The following CCZ1 variants were observed in gnomAD, a reference collection of about 807,000 sequenced individuals.
CCZ1 encodes CCZ1 vacuolar protein trafficking and biogenesis associated, also known as vacuolar fusion protein CCZ1 homolog.
CCZ1 carries 19 observed loss-of-function variants against 57.8 expected under a neutral mutation model. That is an observed-to-expected ratio of 0.33 (90% CI 0.23 to 0.48). CCZ1 has a LOEUF of 0.48. Ranked by LOEUF, CCZ1 falls within the 20% of genes least tolerant of loss-of-function variation. The pLI is 0.99. For missense variants in CCZ1, 200 were observed against 492.0 expected, an observed-to-expected ratio of 0.41 and a Z score of 5.61; for synonymous variants, 81 against 167.0, an observed-to-expected ratio of 0.49 and a Z score of 3.97.
chr7:5,913,435 A>C (rs1285509226), intron 10 of CCZ1, among the ~76,000 whole-genome samples: 1 of 151,162 alleles, frequency 6.6e-6, no homozygotes, highest in Admixed American at 6.6e-5. Context: ...TCAAGAAAGA[A>C]GACGGAGCAT....
chr7:5,914,673 G>A (rs1454256511), intron 10 of CCZ1, among the ~76,000 whole-genome samples: 3 of 148,880 alleles, frequency 2.0e-5, no homozygotes, highest in East Asian at 2.2e-4. Flanking sequence ...TCTGGAGTTC[G>A]AGACCAGCCT....
chr7:5,915,831 GT>G (rs936542749), intron 10 of CCZ1, among the ~76,000 whole-genome samples: 1 of 119,052 alleles, frequency 8.4e-6, no homozygotes, highest in Non-Finnish European at 1.8e-5. Flanking sequence ...CACTTGCTGT[GT>G]TTTTTCCTGT....
intron 8 of CCZ1, among the ~76,000 whole-genome samples, chr7:5,910,706 T>TTTTATTTTA (rs750179208): frequency 0.036 from 4,454 of 123,200 alleles, 159 homozygotes; most frequent in African/African-American, 0.071. Context: ...ATGTATTTTA[T>TTTTATTTTA]TTTATTTATT....
At chr7:5,903,374 C>T (rs553550301) in intron 6 of CCZ1, among the ~76,000 whole-genome samples, 2 of 145,332 alleles carry the variant, frequency 1.4e-5, no homozygotes, top group Non-Finnish European at 3.0e-5. Context: ...CCTCCTTGGC[C>T]TCCCAAAGTG....
chr7:5,900,690 T>C, intron 3 of CCZ1, 124 bp downstream of exon 3: 7 of 1,321,788 alleles, frequency 5.3e-6, no homozygotes, highest in Non-Finnish European at 6.1e-6. Flanking sequence ...TAAAATTGGT[T>C]GCAATTTTAA....
At chr7:5,909,017 C>T (rs1175572166) in intron 7 of CCZ1, among the ~76,000 whole-genome samples, 1 of 146,286 alleles carries the variant, frequency 6.8e-6, no homozygotes, top group Non-Finnish European at 1.5e-5. Context: ...AGCTAAGAGA[C>T]ATCTGCTCCT....
At chr7:5,912,066 T>A in intron 9 of CCZ1, 144 bp downstream of exon 9, 1 of 1,544,066 alleles carries the variant, frequency 6.5e-7, no homozygotes, top group Non-Finnish European at 8.8e-7. Flanking sequence ...GTGACTGTCA[T>A]GCCTCAGCCT....
intron 6 of CCZ1, 86 bp downstream of exon 6, chr7:5,902,830 A>G (rs142822906): frequency 2.1e-6 from 3 of 1,458,136 alleles, no homozygotes; most frequent in Middle Eastern, 2.0e-4. Flanking sequence ...TGTTTCTTAT[A>G]TACAAAAAAC....
At chr7:5,902,428 G>C in intron 5 of CCZ1, 1 of 625,094 alleles carries the variant, frequency 1.6e-6, no homozygotes, top group Non-Finnish European at 2.2e-6. Flanking sequence ...TGAAATTTTT[G>C]AAAGATGCCT....
rs1061428 is a variant in CCZ1 at position 5,925,657 on chromosome 7, G to A, written c.1419G>A (p.Thr473=). 0.15 allele frequency: 231,719 copies of A among 1,556,336 alleles called. 4,305 individuals are homozygous for A. Among genetic ancestry groups the A allele is most frequent in the Admixed American group, 0.29 (16,037 of 55,694 alleles). Residue 473 remains threonine, a synonymous_variant, in exon 15 of 15, where the codon ACG becomes ACA. Transcript: ENST00000325974. ...VNEEVKKLCA[T]QFNNIFFLD ...AAGAGGTCAAGAAACTTTGTGCAACGCAGTTCAACAACATCTTCTTCTTGG... is the reference window on the plus strand; with the variant it reads ...AAGAGGTCAAGAAACTTTGTGCAACACAGTTCAACAACATCTTCTTCTTGG...
chr7:5,902,957 C>T (rs1781719594), intron 6 of CCZ1, among the ~76,000 whole-genome samples: 1 of 148,658 alleles, frequency 6.7e-6, no homozygotes, highest in Non-Finnish European at 1.5e-5. Flanking sequence ...TAAGGCAGAG[C>T]TTCCTGCGTT....
intron 14 of CCZ1, chr7:5,924,931 CTG>C (rs1204948678): frequency 2.8e-5 from 1 of 35,676 alleles, no homozygotes. Flanking sequence ...CTGATCTAAA[CTG>C]TGAATGTGGT....
chr7:5,918,418 CGT>C (rs1779178294), intron 10 of CCZ1: 1 of 200,218 alleles, frequency 5.0e-6, no homozygotes, highest in African/African-American at 2.4e-5. Flanking sequence ...TCTTTGTAAA[CGT>C]GTGTCAATGG....
chr7:5,913,028 T>C (rs1316355916), intron 10 of CCZ1, 74 bp downstream of exon 10: 32 of 1,527,262 alleles, frequency 2.1e-5, no homozygotes, highest in African/African-American at 2.9e-5. Context: ...CACGAGTGCA[T>C]GTGCAAACCT....
chr7:5,911,472 T>TC lies in CCZ1; in HGVS notation c.781-389_781-388insC, dbSNP rs1290246121. 2.7e-5 allele frequency among the ~76,000 whole-genome samples: 4 copies of TC among 148,274 alleles called. 1 individual carries two copies. In the East Asian group the frequency reaches 9.1e-4, roughly 34 times the overall value. ...TGTGTGCCACCACACCTGGCTAATTTTTTGTAGAGATGGGATCTCGTCATG... is the reference window on the plus strand; with the variant it reads ...TGTGTGCCACCACACCTGGCTAATTTCTTTGTAGAGATGGGATCTCGTCATG... On this transcript the variant is annotated intron_variant, in intron 8 of 14. Coordinates refer to ENST00000325974, the MANE Select transcript of CCZ1 (RefSeq NM_015622.6).
intron 12 of CCZ1, among the ~76,000 whole-genome samples, chr7:5,921,385 CAG>C (rs1452438337): frequency 1.1e-4 from 7 of 60,928 alleles, no homozygotes; most frequent in African/African-American, 3.6e-4. Flanking sequence ...TTTTTTGAGA[CAG>C]AGTTTCACTC....
chr7:5,899,725 G>C (rs1310781653), intron 1 of CCZ1, among the ~76,000 whole-genome samples: 1 of 150,788 alleles, frequency 6.6e-6, no homozygotes. Flanking sequence ...CTGTAATAGC[G>C]CCACTGCACT....
chr7:5,915,385 TTGAA>T (rs1468683386), intron 10 of CCZ1, among the ~76,000 whole-genome samples: 24 of 138,960 alleles, frequency 1.7e-4, no homozygotes, highest in Non-Finnish European at 3.3e-4. Context: ...TCATCCTCCT[TTGAA>T]TGACCCAGGT....
rs1583186253 is a variant in CCZ1 at position 5,909,935 on chromosome 7, G to A, written c.699-100G>A. On this transcript the variant is annotated intron_variant, in intron 7 of 14. Coordinates refer to ENST00000325974, the MANE Select transcript of CCZ1 (RefSeq NM_015622.6). ...GAATTTATTCTGTGTTACTAAAAAT[G>A]ACTTGAAAAAAAAATTTTTGTTTAA... The A allele has an allele frequency of 9.2e-6, 8 of 874,074 alleles. No homozygotes were observed. The East Asian group carries it at 1.0e-4, about 11-fold the overall frequency. 54.1% of individuals were successfully genotyped at this position (874,074 alleles called of 1,614,324 possible).
Sources: allele counts gnomAD v4.1 joint callset (sites outside exome capture counted in the v4.1 genomes callset), GRCh38; gene constraint gnomAD v4.1.1; transcripts MANE v1.5; gene names NCBI Gene and HGNC (gene_info 2026-07-23, HGNC 2026-07-21).